OSBPL8: variants seen among roughly 807,000 people sequenced by gnomAD.
OSBPL8 encodes the protein oxysterol binding protein like 8.
In OSBPL8, 59 loss-of-function variants were observed where a neutral mutation model predicts 125.5. The observed-to-expected ratio is 0.47, with a 90% CI of 0.38 to 0.58. The LOEUF (loss-of-function observed/expected upper bound fraction) is 0.58. Among genes scored for constraint, OSBPL8 ranks in the 20% least tolerant of loss-of-function variants. OSBPL8 has a pLI of 0.00. For missense variants in OSBPL8, 758 were observed against 1,047.8 expected, an observed-to-expected ratio of 0.72 and a Z score of 3.82; for synonymous variants, 330 against 338.9, an observed-to-expected ratio of 0.97 and a Z score of 0.29.
Position 76,375,264 on chromosome 12 carries a change from T to C in OSBPL8, c.1827+9A>G, listed in dbSNP as rs373136894. On this transcript the variant is annotated intron_variant, in intron 17 of 23. Coordinates refer to ENST00000261183, the MANE Select transcript of OSBPL8 (RefSeq NM_020841.5). ...TAGCTAGGTGATACCTACTGTATTG[T>C]CTACTAACCTTTAGTTTAAATTCAA... 3.2e-6 allele frequency: 5 copies of C among 1,567,320 alleles called. No individual in the cohort carries two copies. The highest frequency in any genetic ancestry group is 4.4e-6 in the Non-Finnish European group (5 of 1,139,432).
intron 1 of OSBPL8, among the ~76,000 whole-genome samples, chr12:76,554,823 G>A (rs1211232672): frequency 2.0e-5 from 3 of 151,966 alleles, no homozygotes; most frequent in Non-Finnish European, 4.4e-5. Flanking sequence ...GTAGGTAACT[G>A]GCTTATCATT....
At chr12:76,537,176 A>C (rs1950522387) in intron 1 of OSBPL8, 1 of 152,268 alleles carries the variant, frequency 6.6e-6, no homozygotes, top group Non-Finnish European at 1.5e-5. Flanking sequence ...GATTTCTATA[A>C]ATGACTGGTA....
intron 23 of OSBPL8, 141 bp from the exon 24 acceptor site, chr12:76,356,162 T>TGGGGGGAGGGGGGGGGGGAGGGGGGGG (rs1951977262): frequency 7.6e-6 from 1 of 131,834 alleles, no homozygotes; most frequent in Non-Finnish European, 1.6e-5. Context: ...TATGTAGGGG[T>TGGGGGGAGGGGGGGGGGGAGGGGGGGG]GGGGGGGGGC....
chr12:76,491,253 T>C (rs1878683708), intron 1 of OSBPL8, among the ~76,000 whole-genome samples: 1 of 152,222 alleles, frequency 6.6e-6, no homozygotes, highest in Non-Finnish European at 1.5e-5. Context: ...TCGAGAGGAT[T>C]GACTTTTTCA....
intron 21 of OSBPL8, among the ~76,000 whole-genome samples, chr12:76,360,900 AT>A (rs1477985734): frequency 6.6e-6 from 1 of 152,188 alleles, no homozygotes; most frequent in African/African-American, 2.4e-5. Flanking sequence ...GGCCCAGCCC[AT>A]GAAACCATTT....
intron 1 of OSBPL8, among the ~76,000 whole-genome samples, chr12:76,489,068 T>C (rs544453290): frequency 2.0e-5 from 3 of 152,232 alleles, no homozygotes; most frequent in African/African-American, 7.2e-5. Flanking sequence ...GCTAATTATA[T>C]AGGCAAGGCC....
At chr12:76,434,895 CTT>C (rs1172225698) in intron 4 of OSBPL8, among the ~76,000 whole-genome samples, 1 of 152,120 alleles carries the variant, frequency 6.6e-6, no homozygotes, top group Admixed American at 6.5e-5. Context: ...AAAAGGGACT[CTT>C]TGTACACAGA....
chr12:76,397,421 G>C (rs950673580), intron 8 of OSBPL8, among the ~76,000 whole-genome samples: 17 of 151,346 alleles, frequency 1.1e-4, no homozygotes, highest in African/African-American at 4.1e-4. Context: ...ACAAAGCCGA[G>C]TTAGTAATTA....
intron 1 of OSBPL8, among the ~76,000 whole-genome samples, chr12:76,556,459 G>C (rs1248180023): frequency 3.6e-5 from 2 of 55,784 alleles, no homozygotes; most frequent in African/African-American, 1.6e-4. Flanking sequence ...TGGGGACCAA[G>C]GTGGGAAGAA....
chr12:76,403,334 C>T (rs1452716814), intron 5 of OSBPL8, among the ~76,000 whole-genome samples: 4 of 152,178 alleles, frequency 2.6e-5, no homozygotes. Flanking sequence ...TTATTCATGT[C>T]TTAAATTTCT....
At chr12:76,362,688 C>G (rs1411352249) in intron 21 of OSBPL8, among the ~76,000 whole-genome samples, 1 of 152,154 alleles carries the variant, frequency 6.6e-6, no homozygotes. Context: ...CCAGGGCAAT[C>G]AGGCAAGAGA....
intron 21 of OSBPL8, among the ~76,000 whole-genome samples, chr12:76,361,865 A>G (rs1004570181): frequency 1.3e-5 from 2 of 152,222 alleles, no homozygotes; most frequent in Admixed American, 6.5e-5. Flanking sequence ...TTATGGGAGT[A>G]CAATTCAAGA....
At chr12:76,378,416 A>G in intron 16 of OSBPL8, 36 bp downstream of exon 16, 1 of 1,354,598 alleles carries the variant, frequency 7.4e-7, no homozygotes, top group Non-Finnish European at 1.0e-6. Context: ...TTAAAAGGAA[A>G]GCTTAATATC....
At chr12:76,519,988 T>G (rs1232447064) in intron 1 of OSBPL8, among the ~76,000 whole-genome samples, 3 of 152,146 alleles carry the variant, frequency 2.0e-5, no homozygotes, top group Non-Finnish European at 4.4e-5. Flanking sequence ...AAGGAGCTTA[T>G]TTAGTAAAAC....
At chr12:76,442,327 AC>A (rs1348286964) in intron 4 of OSBPL8, among the ~76,000 whole-genome samples, 6 of 152,156 alleles carry the variant, frequency 3.9e-5, no homozygotes, top group Non-Finnish European at 8.8e-5. Context: ...GATTTAAAAA[AC>A]GATTTCATTT....
At chr12:76,516,534 A>G (rs1193528328) in intron 1 of OSBPL8, among the ~76,000 whole-genome samples, 2 of 152,208 alleles carry the variant, frequency 1.3e-5, no homozygotes, top group Non-Finnish European at 2.9e-5. Flanking sequence ...GGGTGGAGGA[A>G]AACTTTGCCT....
chr12:76,473,108 T>C (rs1200251486), intron 2 of OSBPL8, among the ~76,000 whole-genome samples: 2 of 152,154 alleles, frequency 1.3e-5, no homozygotes, highest in Non-Finnish European at 2.9e-5. Flanking sequence ...GCTCACACTC[T>C]TGTCTTCTGG....
chr12:76,405,541 G>A (rs1242881571), intron 5 of OSBPL8, among the ~76,000 whole-genome samples: 1 of 152,230 alleles, frequency 6.6e-6, no homozygotes, highest in Middle Eastern at 3.4e-3. Flanking sequence ...TGTACATAGG[G>A]GACCAGCAGG....
At chr12:76,363,830 A>G (rs10778041) in intron 21 of OSBPL8, among the ~76,000 whole-genome samples, 120,527 of 152,126 alleles carry the variant, frequency 0.79, 47,994 homozygotes, top group East Asian at 0.92. Context: ...CAACCCCATC[A>G]AAAAGTGGGC....
Sources: allele counts gnomAD v4.1 joint callset (sites outside exome capture counted in the v4.1 genomes callset), GRCh38; gene constraint gnomAD v4.1.1; transcripts MANE v1.5; gene names NCBI Gene and HGNC (gene_info 2026-07-23, HGNC 2026-07-21).